ERBB2: variants seen among roughly 807,000 people sequenced by gnomAD.
The protein encoded by ERBB2 is erb-b2 receptor tyrosine kinase 2, also known as receptor tyrosine-protein kinase erbB-2.
A neutral mutation model predicts 149.0 loss-of-function variants in ERBB2; 61 were observed. That is an observed-to-expected ratio of 0.41 (90% confidence interval 0.33 to 0.51). The LOEUF (loss-of-function observed/expected upper bound fraction) is 0.51, where lower values mean the gene tolerates loss of function less well. Among genes scored for constraint, ERBB2 ranks in the 20% least tolerant of loss-of-function variants. ERBB2 has a pLI of 0.25. For synonymous variants in ERBB2, 633 were observed against 678.8 expected (o/e 0.93, Z 1.05); for missense variants, 1,205 against 1,655.1 (o/e 0.73, Z 4.72).
intron 15 of ERBB2, chr17:39,717,686 A>T (rs1371725021): frequency 2.1e-6 from 1 of 473,008 alleles, no homozygotes; most frequent in African/African-American, 2.0e-5. Context: ...ATAATTTGAA[A>T]TATTTTTCCT....
intron 12 of ERBB2, 66 bp from the exon 13 acceptor site, chr17:39,716,235 C>A (rs2145670165): frequency 6.7e-7 from 1 of 1,497,360 alleles, no homozygotes; most frequent in Non-Finnish European, 8.9e-7. Context: ...ACAGCCAGTT[C>A]CCTGGTTCAC....
rs2145711784 is a variant in ERBB2, at chr17:39,717,453, A to G, written c.1871A>G (p.Gln624Arg). ...WKFPDEEGAC[Q>R]PCPINCTHSC... Reference sequence around the variant, plus strand: ...TTTCCAGATGAGGAGGGCGCATGCCAGCCTTGCCCCATCAACTGCACCCAC... The same window carrying G: ...TTTCCAGATGAGGAGGGCGCATGCCGGCCTTGCCCCATCAACTGCACCCAC... The change falls in exon 15 of 27, where the codon CAG becomes CGG. Residue 624 changes from glutamine to arginine, a missense_variant. Coordinates refer to ENST00000269571, the MANE Select transcript of ERBB2 (RefSeq NM_004448.4). The G allele has an allele frequency of 6.2e-7, 1 of 1,613,196 alleles. No individual in the cohort carries two copies. Among genetic ancestry groups the G allele is most frequent in the Non-Finnish European group, 8.5e-7 (1 of 1,179,806 alleles).
At chr17:39,724,645 T>C in intron 19 of ERBB2, 81 bp from the exon 20 acceptor site, 3 of 1,277,576 alleles carry the variant, frequency 2.3e-6, no homozygotes, top group Non-Finnish European at 3.4e-6. Flanking sequence ...GCCATGGCTG[T>C]GGTTTGTGAT....
chr17:39,714,496 A>G (rs1321879352), intron 9 of ERBB2, among the ~76,000 whole-genome samples: 1 of 152,168 alleles, frequency 6.6e-6, no homozygotes, highest in African/African-American at 2.4e-5. Context: ...AGATGGTTAT[A>G]CCACCATGCC....
intron 15 of ERBB2, 84 bp from the exon 16 acceptor site, chr17:39,719,703 C>T (rs904308627): frequency 1.4e-6 from 2 of 1,387,608 alleles, no homozygotes; most frequent in African/African-American, 2.8e-5. Flanking sequence ...CAGCCACACC[C>T]CTCCCAGGGT....
intron 2 of ERBB2, 107 bp downstream of exon 2, chr17:39,707,248 T>C (rs1019368400): frequency 9.9e-7 from 1 of 1,006,978 alleles, no homozygotes; most frequent in African/African-American, 1.7e-5. Flanking sequence ...TTTCCTCTCT[T>C]GTTGTGGTTT....
rs2143325915 is a variant in ERBB2 at position 39,728,059 on chromosome 17, T to A, written c.*15T>A. On this transcript the variant is annotated 3_prime_UTR_variant, in exon 27 of 27. Coordinates refer to ENST00000269571, the MANE Select transcript of ERBB2 (RefSeq NM_004448.4). ...TGCCAGTGTGAACCAGAAGGCCAAG[T>A]CCGCAGAAGCCCTGATGTGTCCTCA... 6 of 1,543,938 alleles carry A rather than the reference T, an allele frequency of 3.9e-6. No homozygotes were observed. Among genetic ancestry groups the A allele is most frequent in the Non-Finnish European group, 5.3e-6 (6 of 1,139,880 alleles).
chr17:39,694,234 T>A (rs1319765473), upstream of ERBB2, among the ~76,000 whole-genome samples: 1 of 15,318 alleles, frequency 6.5e-5, no homozygotes. Context: ...AAAATATATA[T>A]ATATATATAT....
chr17:39,724,497 A>G (rs2059635815), intron 19 of ERBB2, among the ~76,000 whole-genome samples: 1 of 151,742 alleles, frequency 6.6e-6, no homozygotes, highest in South Asian at 2.1e-4. Flanking sequence ...TGACCTCATG[A>G]TCCGCCCGCC....
At chr17:39,688,351 C>G (rs192213366) in intron 1 of ERBB2, 70 of 223,142 alleles carry the variant, frequency 3.1e-4, no homozygotes, top group Middle Eastern at 2.8e-3. Flanking sequence ...CCACTTCTCT[C>G]CATCTCTTCT....
intron 12 of ERBB2, 75 bp downstream of exon 12, chr17:39,716,014 C>T (rs2059103082): frequency 3.5e-6 from 5 of 1,426,576 alleles, no homozygotes; most frequent in Admixed American, 1.9e-5. Flanking sequence ...CTGGCAGCAG[C>T]GTTCTTGGAC....
At position 39,712,237 on chromosome 17, in the gene ERBB2, C is replaced by T. The variant is rs570704313; in HGVS notation, c.1022-85C>T. On this transcript the variant is annotated intron_variant, in intron 8 of 26. Transcript: ENST00000269571. ...TCCCCTGTCAGTGTGGGGAGGGGCC[C>T]GGACCCTGATGCTCATGTGGCTGTT... 4.4e-5 allele frequency: 70 copies of T among 1,582,332 alleles called. No individual in the cohort carries two copies. In the East Asian group the frequency reaches 1.3e-3, roughly 30 times the overall value.
chr17:39,710,256 G>C, intron 6 of ERBB2, 55 bp downstream of exon 6: 4 of 1,606,424 alleles, frequency 2.5e-6, no homozygotes, highest in Non-Finnish European at 3.4e-6. Context: ...TGCAAGGGGT[G>C]GGCACCCTGC....
chr17:39,703,934 C>G (rs1480085703), intron 1 of ERBB2, among the ~76,000 whole-genome samples: 3 of 152,206 alleles, frequency 2.0e-5, no homozygotes, highest in African/African-American at 7.2e-5. Context: ...AGAGGAGCAG[C>G]TGGGGCTGCA....
In ERBB2 at chr17:39,728,143, C is replaced by T; in HGVS notation, c.*99C>T. ...AAGAGGTGGGAGGGCCCTCCGACCACTTCCAGGGGAACCTGCCATGCCAGG... is the reference window on the plus strand; with the variant it reads ...AAGAGGTGGGAGGGCCCTCCGACCATTTCCAGGGGAACCTGCCATGCCAGG... On this transcript the variant is annotated 3_prime_UTR_variant, in exon 27 of 27. Coordinates refer to ENST00000269571, the MANE Select transcript of ERBB2 (RefSeq NM_004448.4). 1.2e-6 allele frequency: 1 copy of T among 804,768 alleles called. No individual in the cohort carries two copies. The highest frequency in any genetic ancestry group is 1.9e-6 in the Non-Finnish European group (1 of 521,952). 49.9% of individuals were successfully genotyped at this position (804,768 alleles called of 1,614,324 possible). A position where few individuals can be genotyped will look rare whatever the true frequency, so the allele number is the denominator to read the frequency against.
chr17:39,688,117 A>G (rs1294713465), upstream of ERBB2: 1 of 1,081,072 alleles, frequency 9.3e-7, no homozygotes, highest in Non-Finnish European at 1.2e-6. Flanking sequence ...CTCTCCGCTG[A>G]AGTCCACACA....
chr17:39,724,405 G>A lies in ERBB2; in HGVS notation c.2308-321G>A, dbSNP rs1028826025. On this transcript the variant is annotated intron_variant, in intron 19 of 26. Coordinates refer to ENST00000269571, the MANE Select transcript of ERBB2 (RefSeq NM_004448.4). ...CTCCTGAGTAGCTGGGATTACAGGC[G>A]CGAGCCACCACGCCCGGCTAATTTT... Among the ~76,000 whole-genome samples the A allele has an allele frequency of 5.3e-5, 8 of 151,392 alleles. No homozygotes were observed. The South Asian group carries it at 1.3e-3, about 24-fold the overall frequency.
intron 19 of ERBB2, 87 bp from the exon 20 acceptor site, chr17:39,724,639 T>C (rs2145842375): frequency 8.2e-7 from 1 of 1,215,600 alleles, no homozygotes; most frequent in Non-Finnish European, 1.2e-6. Context: ...CTGTGGGCCA[T>C]GGCTGTGGTT....
In ERBB2 at chr17:39,710,337, C is replaced by A. The variant is rs1431941547; in HGVS notation, c.760-3C>A. Reference sequence around the variant, plus strand: ...AGTGAAAGCCAGCCACCTGTCCCCCCAGGCCTGCCTCCACTTCAACCACAG... The same window carrying A: ...AGTGAAAGCCAGCCACCTGTCCCCCAAGGCCTGCCTCCACTTCAACCACAG... On this transcript the variant is annotated splice_region_variant and splice_polypyrimidine_tract_variant and intron_variant, in intron 6 of 26. Coordinates refer to ENST00000269571, the MANE Select transcript of ERBB2 (RefSeq NM_004448.4). 1.9e-6 allele frequency: 3 copies of A among 1,614,148 alleles called. No homozygotes were observed. Among genetic ancestry groups the A allele is most frequent in the Non-Finnish European group, 2.5e-6 (3 of 1,180,036 alleles).
Sources: gnomAD v4.1 joint callset for allele counts (sites outside exome capture counted in the v4.1 genomes callset) on GRCh38, gnomAD v4.1.1 for gene constraint, MANE v1.5 for transcripts, NCBI Gene and HGNC (gene_info 2026-07-23, HGNC 2026-07-21) for gene names.